Variants in GARIN2 observed in about 807,000 individuals in gnomAD.
The protein encoded by GARIN2 is Golgi-associated RAB2 interactor protein 2.
At chr14:67,204,904 A>G in the GARIN2 span, 1 of 1,614,020 alleles carries the variant, frequency 6.2e-7, no homozygotes, top group Non-Finnish European at 8.5e-7. Flanking sequence ...CATCACCGAC[A>G]TCACAGATGT....
the GARIN2 span, chr14:67,228,457 G>C: frequency 2.2e-5 from 5 of 224,246 alleles, no homozygotes; most frequent in Non-Finnish European, 3.7e-5. Flanking sequence ...AAACTAAAAA[G>C]CAAACACAGC....
the GARIN2 span, among the ~76,000 whole-genome samples, chr14:67,211,509 T>A: frequency 6.6e-6 from 1 of 152,212 alleles, no homozygotes; most frequent in Non-Finnish European, 1.5e-5. Context: ...AGAATGTTAA[T>A]AGGTGACAAT....
At chr14:67,193,370 T>G in the GARIN2 span, among the ~76,000 whole-genome samples, 6 of 139,554 alleles carry the variant, frequency 4.3e-5, no homozygotes, top group African/African-American at 1.5e-4. Context: ...ATAATCTATC[T>G]ATATATCTAG....
At chr14:67,209,819 GAA>G in the GARIN2 span, among the ~76,000 whole-genome samples, 3 of 76,924 alleles carry the variant, frequency 3.9e-5, no homozygotes, top group African/African-American at 1.0e-4. Context: ...CTCCATCTCG[GAA>G]AAAAAAAAAA....
chr14:67,221,976 T>C, the GARIN2 span: 1 of 768,458 alleles, frequency 1.3e-6, no homozygotes, highest in Non-Finnish European at 2.0e-6. Flanking sequence ...CTGAAGAAAC[T>C]CTTTCTCAAA....
chr14:67,212,715 G>A, the GARIN2 span, among the ~76,000 whole-genome samples: 2 of 138,450 alleles, frequency 1.4e-5, no homozygotes, highest in African/African-American at 5.3e-5. Flanking sequence ...ATTCAACTGA[G>A]GATTAACTAC....
chr14:67,217,438 T>G, the GARIN2 span, among the ~76,000 whole-genome samples: 1 of 152,330 alleles, frequency 6.6e-6, no homozygotes, highest in Non-Finnish European at 1.5e-5. Flanking sequence ...AAAGACTTAC[T>G]CATGTCATTT....
chr14:67,211,831 A>G, the GARIN2 span, among the ~76,000 whole-genome samples: 2 of 152,166 alleles, frequency 1.3e-5, no homozygotes, highest in Non-Finnish European at 1.5e-5. Flanking sequence ...GTGATGGAGC[A>G]AGACACTGAC....
At chr14:67,208,281 A>G in the GARIN2 span, 2 of 1,614,046 alleles carry the variant, frequency 1.2e-6, no homozygotes, top group African/African-American at 1.3e-5. Flanking sequence ...TCCTCAAAAC[A>G]TGTCACCATC....
At chr14:67,200,300 C>T in the GARIN2 span, 8 of 684,190 alleles carry the variant, frequency 1.2e-5, no homozygotes, top group Non-Finnish European at 1.8e-5. Context: ...CCCCTCGAGG[C>T]CCGCTTTGGA....
the GARIN2 span, chr14:67,203,151 G>C: frequency 6.2e-7 from 1 of 1,613,938 alleles, no homozygotes; most frequent in Non-Finnish European, 8.5e-7. Context: ...GGTGACCGTA[G>C]GCATCTGTTT....
At chr14:67,192,074 A>G in the GARIN2 span, among the ~76,000 whole-genome samples, 1 of 151,982 alleles carries the variant, frequency 6.6e-6, no homozygotes, top group Non-Finnish European at 1.5e-5. Context: ...CTCAAATAAA[A>G]CTCCATTCTT....
At chr14:67,198,348 G>C in the GARIN2 span, 42 of 1,588,064 alleles carry the variant, frequency 2.6e-5, 1 homozygote, top group South Asian at 4.7e-4. Flanking sequence ...CCTGAGTTAA[G>C]TTCCAATAAC....
the GARIN2 span, chr14:67,198,888 A>G: frequency 2.9e-6 from 2 of 685,792 alleles, no homozygotes; most frequent in Non-Finnish European, 5.3e-6. Flanking sequence ...GATAGGGGTC[A>G]TACCTCTAAA....
chr14:67,203,813 G>A, the GARIN2 span, among the ~76,000 whole-genome samples: 1 of 152,296 alleles, frequency 6.6e-6, no homozygotes, highest in East Asian at 1.9e-4. Flanking sequence ...CCCAGTTCAA[G>A]CGATTCTCCT....
At chr14:67,199,411 T>G in the GARIN2 span, 3 of 1,613,834 alleles carry the variant, frequency 1.9e-6, no homozygotes, top group Non-Finnish European at 2.5e-6. Context: ...AGTTGCTTTA[T>G]GATACTTTCA....
chr14:67,209,091 G>A, the GARIN2 span, among the ~76,000 whole-genome samples: 229 of 152,250 alleles, frequency 1.5e-3, 1 homozygote, highest in Non-Finnish European at 2.7e-3. Context: ...ATCATTTATT[G>A]TCCGCTGATA....
chr14:67,202,601 G>A, the GARIN2 span, among the ~76,000 whole-genome samples: 1 of 152,198 alleles, frequency 6.6e-6, no homozygotes, highest in Non-Finnish European at 1.5e-5. Flanking sequence ...GCAAGAGTTT[G>A]TGGAATTTAT....
chr14:67,212,181 T>C, the GARIN2 span, among the ~76,000 whole-genome samples: 4 of 152,298 alleles, frequency 2.6e-5, no homozygotes, highest in South Asian at 8.3e-4. Flanking sequence ...AGCATAGTGA[T>C]GAAAGTACAT....
Sources: gnomAD v4.1 joint callset for allele counts (sites outside exome capture counted in the v4.1 genomes callset) on GRCh38, gnomAD v4.1.1 for gene constraint, MANE v1.5 for transcripts, NCBI Gene and HGNC (gene_info 2026-07-23, HGNC 2026-07-21) for gene names.